The following ARSG variants were observed in gnomAD, a reference collection of about 807,000 sequenced individuals.
ARSG encodes ASG.
ARSG carries 37 observed loss-of-function variants against 50.5 expected under a neutral mutation model. The ratio of observed to expected loss-of-function variants is 0.73; its 90% CI spans 0.56 to 0.96. The LOEUF is 0.96. Ranked by LOEUF, ARSG falls within the 50% of genes least tolerant of loss-of-function variation. ARSG has a pLI of 0.00. For missense variants in ARSG, 629 were observed against 675.3 expected (o/e 0.93, Z 0.76); for synonymous variants, 225 against 254.6 (o/e 0.88, Z 1.11).
intron 2 of ARSG, among the ~76,000 whole-genome samples, chr17:68,334,457 T>A (rs565040787): frequency 2.9e-4 from 44 of 152,234 alleles, no homozygotes; most frequent in African/African-American, 1.1e-3. Flanking sequence ...CCAAACCTTA[T>A]CTTATGAGAG....
the ARSG span, chr17:68,434,511 G>A: frequency 6.2e-7 from 1 of 1,606,478 alleles, no homozygotes; most frequent in Non-Finnish European, 8.5e-7. Flanking sequence ...GTCCCTGCGG[G>A]ACTTCTGCGG....
At chr17:68,409,922 TTGTC>T (rs1223848969) in intron 11 of ARSG, among the ~76,000 whole-genome samples, 1 of 149,464 alleles carries the variant, frequency 6.7e-6, no homozygotes, top group South Asian at 2.1e-4. Flanking sequence ...GGCTCTCTGT[TTGTC>T]TGTTGTTGGT....
At chr17:68,385,841 G>A (rs1004290019) in intron 9 of ARSG, among the ~76,000 whole-genome samples, 47 of 152,200 alleles carry the variant, frequency 3.1e-4, no homozygotes, top group Non-Finnish European at 5.1e-4. Context: ...GTGAGAAGCC[G>A]GCTAGTCTCT....
rs767796353 is a variant in ARSG at position 68,343,745 on chromosome 17, C to T, written c.360C>T (p.Thr120=). 34 of 1,614,008 alleles carry T rather than the reference C, an allele frequency of 2.1e-5. No individual in the cohort carries two copies. The Admixed American group carries it at 5.0e-4, about 24-fold the overall frequency. Reference sequence around the variant, plus strand: ...GAGGCCTTCCGCTCAACGAGACCACCTTGGCAGAGGTGCTGCAGCAGGCGG... The same window carrying T: ...GAGGCCTTCCGCTCAACGAGACCACTTTGGCAGAGGTGCTGCAGCAGGCGG... ...SVGGLPLNET[T]LAEVLQQAGY... The change falls in exon 3 of 12, where the codon ACC becomes ACT. Residue 120 remains threonine (T), a synonymous_variant. Transcript: ENST00000621439.
At chr17:68,386,649 G>A (rs1003871300) in intron 9 of ARSG, among the ~76,000 whole-genome samples, 6 of 152,066 alleles carry the variant, frequency 3.9e-5, no homozygotes, top group African/African-American at 1.4e-4. Context: ...CTGGGAAAAG[G>A]GCCAGGCAGG....
At chr17:68,413,993 C>T (rs1254208904) in intron 11 of ARSG, 1 of 155,118 alleles carries the variant, frequency 6.4e-6, no homozygotes, top group Non-Finnish European at 1.4e-5. Flanking sequence ...TGCGCGCACC[C>T]ACTGACCTGC....
intron 2 of ARSG, among the ~76,000 whole-genome samples, chr17:68,330,979 G>T (rs1459463158): frequency 6.4e-3 from 31 of 4,850 alleles, no homozygotes; most frequent in Admixed American, 8.3e-3. Flanking sequence ...TTTTTTTTGC[G>T]GGGGGGGGGG....
intron 1 of ARSG, among the ~76,000 whole-genome samples, chr17:68,300,584 A>T (rs2076375587): frequency 6.6e-6 from 1 of 152,148 alleles, no homozygotes; most frequent in African/African-American, 2.4e-5. Context: ...CGTTATTCAG[A>T]GGTCCATCTC....
chr17:68,291,252 G>C (rs868929182), upstream of ARSG: 73 of 151,122 alleles, frequency 4.8e-4, no homozygotes, highest in African/African-American at 1.7e-3. Context: ...CCGAGCGCCC[G>C]GGCCCTCCAC....
intron 2 of ARSG, among the ~76,000 whole-genome samples, chr17:68,328,864 G>C (rs1299720724): frequency 6.6e-6 from 1 of 152,130 alleles, no homozygotes; most frequent in African/African-American, 2.4e-5. Context: ...CAGGTCTTAC[G>C]AGGTAGAGTG....
intron 1 of ARSG, among the ~76,000 whole-genome samples, chr17:68,291,876 G>A (rs1005242885): frequency 6.6e-6 from 1 of 151,924 alleles, no homozygotes; most frequent in East Asian, 2.0e-4. Flanking sequence ...CGGCGAGGGG[G>A]AACACGCGCG....
At chr17:68,366,677 A>ATGTGTGTGTGTGTG (rs3072873) in intron 6 of ARSG, among the ~76,000 whole-genome samples, 100 of 148,360 alleles carry the variant, frequency 6.7e-4, no homozygotes, top group African/African-American at 2.4e-3. Context: ...GAATTTATGT[A>ATGTGTGTGTGTGTG]TGTGTGTGTG....
At chr17:68,272,180 C>T (rs782797523) in intron 1 of ARSG, among the ~76,000 whole-genome samples, 5 of 152,060 alleles carry the variant, frequency 3.3e-5, no homozygotes, top group East Asian at 1.9e-4. Context: ...TCAGGTGATC[C>T]GCCCACCTCA....
intron 9 of ARSG, among the ~76,000 whole-genome samples, chr17:68,386,512 G>A (rs1184258165): frequency 6.6e-6 from 1 of 152,140 alleles, no homozygotes; most frequent in African/African-American, 2.4e-5. Flanking sequence ...ATCACCCCTG[G>A]CAGCCTGTGG....
chr17:68,385,618 C>T (rs763797051), intron 9 of ARSG, among the ~76,000 whole-genome samples: 2 of 151,442 alleles, frequency 1.3e-5, no homozygotes, highest in Non-Finnish European at 2.9e-5. Flanking sequence ...GGACTCGAGC[C>T]ATCTTCTGGG....
chr17:68,322,126 G>A (rs963575512), intron 2 of ARSG, among the ~76,000 whole-genome samples: 4 of 152,276 alleles, frequency 2.6e-5, no homozygotes, highest in South Asian at 2.1e-4. Context: ...GAAAGCATCC[G>A]CTTAAGTGAT....
At chr17:68,292,256 G>A (rs896815467) in intron 1 of ARSG, among the ~76,000 whole-genome samples, 3 of 152,188 alleles carry the variant, frequency 2.0e-5, no homozygotes, top group African/African-American at 7.2e-5. Flanking sequence ...GGCAGTGGCG[G>A]CGTCGGCACA....
At chr17:68,292,632 T>G (rs1374378112) in intron 1 of ARSG, among the ~76,000 whole-genome samples, 1 of 152,134 alleles carries the variant, frequency 6.6e-6, no homozygotes, top group Non-Finnish European at 1.5e-5. Flanking sequence ...GAGCCTAGTT[T>G]GGGAGTGCAT....
chr17:68,433,411 A>C, the ARSG span: 12 of 1,445,506 alleles, frequency 8.3e-6, no homozygotes, highest in Non-Finnish European at 1.2e-5. Flanking sequence ...CCAGTAGAAG[A>C]GCCTAGGCCT....
Sources: allele counts gnomAD v4.1 joint callset (sites outside exome capture counted in the v4.1 genomes callset), GRCh38; gene constraint gnomAD v4.1.1; transcripts MANE v1.5; gene names NCBI Gene and HGNC (gene_info 2026-07-23, HGNC 2026-07-21).